Variants in C5 observed in about 807,000 individuals in gnomAD.
C5 encodes C3 and PZP-like alpha-2-macroglobulin domain-containing protein 4.
C5 carries 140 observed loss-of-function variants against 218.8 expected under a neutral mutation model. The ratio of observed to expected loss-of-function variants is 0.64; its 90% CI spans 0.56 to 0.74. The LOEUF is 0.74. C5 is among the 30% of genes least tolerant of loss of function. C5 has a pLI of 0.00. For missense variants in C5, 1,700 were observed against 1,969.6 expected, an observed-to-expected ratio of 0.86 and a Z score of 2.59; for synonymous variants, 614 against 682.3, an observed-to-expected ratio of 0.90 and a Z score of 1.56.
chr9:120,981,359 C>A (rs1454429012), intron 27 of C5, among the ~76,000 whole-genome samples: 1 of 152,226 alleles, frequency 6.6e-6, no homozygotes, highest in East Asian at 1.9e-4. Flanking sequence ...GGTGGCTCAT[C>A]ACTTTTCTCC....
intron 20 of C5, among the ~76,000 whole-genome samples, chr9:120,999,476 G>T (rs1431321664): frequency 6.6e-6 from 1 of 152,152 alleles, no homozygotes; most frequent in Non-Finnish European, 1.5e-5. Context: ...GAATAGTGAA[G>T]GAACTCCAAG....
intron 25 of C5, among the ~76,000 whole-genome samples, chr9:120,986,799 G>A (rs1411482868): frequency 6.6e-6 from 1 of 152,048 alleles, no homozygotes; most frequent in Non-Finnish European, 1.5e-5. Flanking sequence ...TAAAGACAGG[G>A]TCTCCCTATG....
chr9:121,025,597 A>G lies in C5; in HGVS notation c.874-17T>C. 1 of 1,609,950 alleles carries G rather than the reference A, an allele frequency of 6.2e-7. No individual in the cohort carries two copies. The highest frequency in any genetic ancestry group is 8.5e-7 in the Non-Finnish European group (1 of 1,178,666). On this transcript the variant is annotated splice_polypyrimidine_tract_variant and intron_variant, in intron 8 of 40. Coordinates refer to ENST00000223642, the MANE Select transcript of C5 (RefSeq NM_001735.3). ...ATTTATCAACTTTTTAAAAGGAGAA[A>G]AAGGAGGAGTTATTTCGGAGAAGAA...
chr9:120,992,456 G>A (rs981459110), intron 22 of C5, among the ~76,000 whole-genome samples: 8 of 152,054 alleles, frequency 5.3e-5, no homozygotes, highest in Admixed American at 2.6e-4. Context: ...GATTTTTGTG[G>A]GATAAAAATA....
intron 11 of C5, 141 bp from the exon 12 acceptor site, chr9:121,020,320 A>T (rs2047353817): frequency 1.4e-6 from 1 of 703,320 alleles, no homozygotes; most frequent in Non-Finnish European, 2.5e-6. Flanking sequence ...ACCCTCCATT[A>T]CTTCAGTGTT....
intron 37 of C5, 85 bp downstream of exon 37, chr9:120,961,397 C>A: frequency 1.2e-6 from 1 of 838,138 alleles, no homozygotes; most frequent in South Asian, 1.4e-5. Context: ...AACAGTTTAC[C>A]AAACAGTGTC....
At chr9:121,071,277 G>A in the C5 span, among the ~76,000 whole-genome samples, 3 of 151,976 alleles carry the variant, frequency 2.0e-5, no homozygotes, top group Admixed American at 2.0e-4. Flanking sequence ...CCATGATCGT[G>A]CTACTGCACT....
chr9:121,012,020 G>C (rs1020928374), intron 17 of C5, among the ~76,000 whole-genome samples: 1 of 152,120 alleles, frequency 6.6e-6, no homozygotes, highest in Non-Finnish European at 1.5e-5. Context: ...ACAAAAAATA[G>C]AAAGAATGAA....
chr9:120,961,692 G>A (rs1454682479), intron 36 of C5, 127 bp from the exon 37 acceptor site: 9 of 707,868 alleles, frequency 1.3e-5, no homozygotes, highest in Non-Finnish European at 2.3e-5. Context: ...TATAGCTAAG[G>A]CCCAGGGAGG....
At chr9:121,070,297 C>T in the C5 span, among the ~76,000 whole-genome samples, 8 of 149,250 alleles carry the variant, frequency 5.4e-5, no homozygotes, top group South Asian at 8.4e-4. Flanking sequence ...GCAGAGGTTG[C>T]GGTGAGCTGA....
At chr9:121,008,747 T>C (rs1451780797) in intron 17 of C5, among the ~76,000 whole-genome samples, 2 of 152,046 alleles carry the variant, frequency 1.3e-5, no homozygotes, top group Non-Finnish European at 2.9e-5. Flanking sequence ...CTGGCCAACA[T>C]GTTGAAACCC....
At position 121,035,925 on chromosome 9, in the gene C5, C is replaced by T. The variant is rs528686363; in HGVS notation, c.493-1031G>A. Among the ~76,000 whole-genome samples the T allele has an allele frequency of 2.6e-5, 4 of 151,878 alleles. No individual in the cohort carries two copies. In the South Asian group the frequency reaches 8.3e-4, roughly 32 times the overall value. Reference sequence around the variant, plus strand: ...GTTAGCAGGGTGTGGTGATGGGTGCCTGTAGTCCTAGCTACTCAGGAAGCT... The same window carrying T: ...GTTAGCAGGGTGTGGTGATGGGTGCTTGTAGTCCTAGCTACTCAGGAAGCT... On this transcript the variant is annotated intron_variant, in intron 4 of 40. Coordinates refer to ENST00000223642, the MANE Select transcript of C5 (RefSeq NM_001735.3).
chr9:121,013,940 T>C lies in C5; in HGVS notation c.2190A>G (p.Glu730=), dbSNP rs2047284646. The part of the protein sequence containing the change: ...LGPRCIKAFT[E]CCVVASQLRA... ...GGAGCTGGCTTGCGACGACACAACA[T>C]TCAGTGAAAGCTTTGATGCATCTTG... Residue 730 remains glutamate, a synonymous_variant, in exon 17 of 41, where the codon GAA becomes GAG. Coordinates refer to ENST00000223642, the MANE Select transcript of C5 (RefSeq NM_001735.3). The C allele has an allele frequency of 6.2e-7, 1 of 1,614,146 alleles. No individual in the cohort carries two copies. The highest frequency in any genetic ancestry group is 8.5e-7 in the Non-Finnish European group (1 of 1,180,018).
chr9:120,969,100 T>C lies in C5; in HGVS notation c.4181A>G (p.Tyr1394Cys), dbSNP rs771953939. Residue 1394 changes from tyrosine (Y) to cysteine (C), a missense_variant, in exon 33 of 41, where the codon TAC becomes TGC. Coordinates refer to ENST00000223642, the MANE Select transcript of C5 (RefSeq NM_001735.3). ...QDIEASHYRG[Y>C]GNSDYKRIVA... ...TATGCGTTTGTAATCAGAGTTTCCG[T>C]AGCCTCTGTAGTGGGATGCTGGCAC... is the stretch of plus-strand genomic sequence containing the variant. 1.2e-6 allele frequency: 2 copies of C among 1,614,034 alleles called. No individual in the cohort carries two copies. The highest frequency in any genetic ancestry group is 1.1e-5 in the South Asian group (1 of 91,086).
upstream of C5, among the ~76,000 whole-genome samples, chr9:121,053,788 G>A (rs2047684956): frequency 1.3e-5 from 2 of 152,132 alleles, no homozygotes; most frequent in Non-Finnish European, 2.9e-5. Flanking sequence ...CCGTCATGGT[G>A]GAACATAACA....
intron 28 of C5, among the ~76,000 whole-genome samples, chr9:120,977,805 G>A (rs2046964441): frequency 6.6e-6 from 1 of 152,164 alleles, no homozygotes; most frequent in Admixed American, 6.5e-5. Context: ...AACTGGTATT[G>A]CACCCAGCTT....
intron 18 of C5, among the ~76,000 whole-genome samples, chr9:121,007,528 C>T (rs554339391): frequency 1.5e-4 from 23 of 152,214 alleles, no homozygotes; most frequent in Admixed American, 7.2e-4. Flanking sequence ...AATAATTGTA[C>T]CAATAAGGCA....
At chr9:121,014,551 T>G (rs2047290272) in intron 16 of C5, among the ~76,000 whole-genome samples, 1 of 152,200 alleles carries the variant, frequency 6.6e-6, no homozygotes, top group Admixed American at 6.5e-5. Context: ...TATCCTTCAT[T>G]GTAAGTGCTC....
Position 120,952,442 on chromosome 9 carries a change from G to T in C5, c.*297C>A. On this transcript the variant is annotated 3_prime_UTR_variant, in exon 41 of 41. Coordinates refer to ENST00000223642, the MANE Select transcript of C5 (RefSeq NM_001735.3). ...CTCCCTTTCAATGGACTGTTCTTTC[G>T]GCCCCAGCAAACATTCCTGAGTGGT... The T allele has an allele frequency of 5.7e-6, 2 of 349,786 alleles. No homozygotes were observed. Among genetic ancestry groups the T allele is most frequent in the South Asian group, 2.5e-5 (1 of 40,500 alleles). The allele number at this position is 349,786 out of a possible 1,614,324, so 21.7% of individuals were successfully genotyped here.
Sources: gnomAD v4.1 joint callset for allele counts (sites outside exome capture counted in the v4.1 genomes callset) on GRCh38, gnomAD v4.1.1 for gene constraint, MANE v1.5 for transcripts, NCBI Gene and HGNC (gene_info 2026-07-23, HGNC 2026-07-21) for gene names.